COMMD8: variants seen among roughly 807,000 people sequenced by gnomAD.
COMMD8 encodes the protein COMM domain containing 8, also known as COMM domain-containing protein 8.
In COMMD8, 28 loss-of-function variants were observed where a neutral mutation model predicts 27.2. The observed-to-expected ratio is 1.03, with a 90% CI of 0.76 to 1.41. The LOEUF (loss-of-function observed/expected upper bound fraction) is 1.41. Among genes scored for constraint, COMMD8 ranks in the 40% most tolerant of loss-of-function variants. The pLI, the probability that COMMD8 is intolerant of heterozygous loss-of-function variation, is 0.00. For missense variants in COMMD8, 217 were observed against 211.2 expected (o/e 1.03, Z -0.17); for synonymous variants, 79 against 75.5 (o/e 1.05, Z -0.24).
chr4:47,463,572 G>A lies in COMMD8; in HGVS notation c.66+14C>T, dbSNP rs1242116548. 2 of 1,541,760 alleles carry A rather than the reference G, an allele frequency of 1.3e-6. No individual in the cohort carries two copies. Among genetic ancestry groups the A allele is most frequent in the South Asian group, 1.2e-5 (1 of 83,810 alleles). On this transcript the variant is annotated intron_variant, in intron 1 of 4. Transcript: ENST00000381571. ...CCCAGGCCCCGCGCCGCTTCCCCCGGTACCCGCCCTCACCTGCGGGCCCAG... is the reference window on the plus strand; with the variant it reads ...CCCAGGCCCCGCGCCGCTTCCCCCGATACCCGCCCTCACCTGCGGGCCCAG...
chr4:47,460,375 A>C, intron 1 of COMMD8, 76 bp from the exon 2 acceptor site: 4 of 1,183,922 alleles, frequency 3.4e-6, no homozygotes, highest in Middle Eastern at 2.0e-4. Flanking sequence ...TAACAAACAA[A>C]TGTTGGGAGA....
chr4:47,463,321 A>C (rs1730113185), intron 1 of COMMD8, among the ~76,000 whole-genome samples: 1 of 152,226 alleles, frequency 6.6e-6, no homozygotes, highest in African/African-American at 2.4e-5. Context: ...GCAAACACCG[A>C]CTTAAGCTTT....
Position 47,460,176 on chromosome 4 carries a change from CTT to C in COMMD8, c.188_189del (p.Lys63SerfsTer5), listed in dbSNP as rs1325101967. 6.2e-7 allele frequency: 1 copy of C among 1,613,472 alleles called. No homozygotes were observed. Among genetic ancestry groups the C allele is most frequent in the Non-Finnish European group, 8.5e-7 (1 of 1,179,750 alleles). ...HVLEDIAKFF[K>X]AIVGKNLPDE... ...TCAGGTAAGTTTTTACCAACTATGG[CTT>C]TGAAAAATTTGGCAATATCTTCTAA... is the stretch of plus-strand genomic sequence containing the variant. On this transcript the variant is annotated frameshift_variant, in exon 2 of 5. Transcript: ENST00000381571. LOFTEE classifies it high-confidence loss of function.
chr4:47,457,132 T>A (rs61480281), intron 2 of COMMD8, among the ~76,000 whole-genome samples: 1 of 152,160 alleles, frequency 6.6e-6, no homozygotes, highest in African/African-American at 2.4e-5. Flanking sequence ...AATGCAAACA[T>A]TGCAAAGTCA....
intron 3 of COMMD8, 68 bp from the exon 4 acceptor site, chr4:47,453,282 G>A (rs1428258528): frequency 1.5e-6 from 2 of 1,305,214 alleles, no homozygotes; most frequent in East Asian, 4.8e-5. Flanking sequence ...TACATCAGAG[G>A]TTAGTTAGCA....
chr4:47,459,390 A>C (rs1367547637), intron 2 of COMMD8, among the ~76,000 whole-genome samples: 2 of 152,248 alleles, frequency 1.3e-5, no homozygotes, highest in South Asian at 2.1e-4. Flanking sequence ...AGGATATCCT[A>C]TGACCATGCA....
rs1002034383 is a variant in COMMD8, at chr4:47,463,605, G to T, written c.47C>A (p.Pro16Gln). 1.3e-6 allele frequency: 2 copies of T among 1,546,916 alleles called. No individual in the cohort carries two copies. The highest frequency in any genetic ancestry group is 4.9e-5 in the East Asian group (2 of 40,836). The stretch of plus-strand genomic sequence containing the variant: ...CCTCACCTGCGGGCCCAGCTCGGCC[G>T]GCAGCTTCTGCAGCCGCCACAAGGG... Reference protein sequence around the residue: ...GTPLWRLQKLPAELGPQLLHK... With the variant: ...GTPLWRLQKLQAELGPQLLHK... The change falls in exon 1 of 5, where the codon CCG (proline) becomes CAG (glutamine). Residue 16 changes from proline to glutamine, a missense_variant. Physicochemically the swap from Pro to Gln is moderately conservative, Grantham distance 76. Transcript: ENST00000381571.
At chr4:47,458,563 T>G (rs1187875103) in intron 2 of COMMD8, among the ~76,000 whole-genome samples, 7 of 152,118 alleles carry the variant, frequency 4.6e-5, no homozygotes, top group African/African-American at 1.7e-4. Context: ...TAGAGGGCTA[T>G]CCCATGTTCT....
At chr4:47,460,970 G>A (rs1730010238) in intron 1 of COMMD8, among the ~76,000 whole-genome samples, 1 of 152,196 alleles carries the variant, frequency 6.6e-6, no homozygotes, top group Admixed American at 6.5e-5. Context: ...AAACTATCCA[G>A]TTCCAATCCC....
intron 2 of COMMD8, among the ~76,000 whole-genome samples, chr4:47,459,392 G>A (rs1729965313): frequency 6.6e-6 from 1 of 152,086 alleles, no homozygotes; most frequent in Non-Finnish European, 1.5e-5. Context: ...GATATCCTAT[G>A]ACCATGCAAT....
chr4:47,461,269 T>A (rs1282134458), intron 1 of COMMD8, among the ~76,000 whole-genome samples: 3 of 152,228 alleles, frequency 2.0e-5, no homozygotes, highest in Non-Finnish European at 2.9e-5. Flanking sequence ...AATAAGGTTA[T>A]CTTTCTTGAA....
chr4:47,463,507 G>A (rs1004328148), intron 1 of COMMD8, 79 bp downstream of exon 1: 8 of 1,388,290 alleles, frequency 5.8e-6, no homozygotes, highest in East Asian at 2.5e-5. Context: ...AGGCGTCCGG[G>A]TCGCACCCGG....
chr4:47,454,864 C>CAAAA (rs1187989270), intron 3 of COMMD8, among the ~76,000 whole-genome samples: 85 of 39,478 alleles, frequency 2.2e-3, no homozygotes, highest in Admixed American at 0.011. Context: ...AACTCCATCT[C>CAAAA]AAAAAAAAAA....
chr4:47,463,516 GGCC>G, intron 1 of COMMD8, 67 bp downstream of exon 1: 1 of 1,453,294 alleles, frequency 6.9e-7, no homozygotes, highest in South Asian at 1.2e-5. Flanking sequence ...GGTCGCACCC[GGCC>G]TGATCCGCAC....
chr4:47,458,123 T>C lies in COMMD8; in HGVS notation c.223-1394A>G, dbSNP rs538279592. Reference sequence around the variant, plus strand: ...AAGTTAGAATTGTAGGATGCTTCTTTAGTCTGATAATGGATATCTATAAAA... The same window carrying C: ...AAGTTAGAATTGTAGGATGCTTCTTCAGTCTGATAATGGATATCTATAAAA... On this transcript the variant is annotated intron_variant, in intron 2 of 4. Coordinates refer to ENST00000381571, the MANE Select transcript of COMMD8 (RefSeq NM_017845.5). Among the ~76,000 whole-genome samples, 5 of 152,166 alleles carry C rather than the reference T, an allele frequency of 3.3e-5. No individual in the cohort carries two copies. The South Asian group carries it at 1.0e-3, about 32-fold the overall frequency.
chr4:47,451,826 G>C (rs960368785), intron 4 of COMMD8, among the ~76,000 whole-genome samples, 161 bp from the exon 5 acceptor site: 2 of 152,158 alleles, frequency 1.3e-5, no homozygotes, highest in Non-Finnish European at 2.9e-5. Flanking sequence ...GGAATCTACG[G>C]TTCAGAATCT....
chr4:47,452,612 T>C (rs936362906), intron 4 of COMMD8, among the ~76,000 whole-genome samples: 2 of 152,176 alleles, frequency 1.3e-5, no homozygotes, highest in African/African-American at 4.8e-5. Context: ...CAGAACATAT[T>C]AACAAAGTAT....
intron 4 of COMMD8, 53 bp from the exon 5 acceptor site, chr4:47,451,718 T>TA (rs2109352292): frequency 7.4e-7 from 1 of 1,357,460 alleles, no homozygotes; most frequent in East Asian, 2.6e-5. Flanking sequence ...CTGATGCTGA[T>TA]ATATTCCATA....
chr4:47,452,674 A>C (rs1030061873), intron 4 of COMMD8, among the ~76,000 whole-genome samples: 1 of 152,226 alleles, frequency 6.6e-6, no homozygotes, highest in African/African-American at 2.4e-5. Context: ...CTAAAAGTGA[A>C]CTATGAGTCT....
Sources: gnomAD v4.1 joint callset for allele counts (sites outside exome capture counted in the v4.1 genomes callset) on GRCh38, gnomAD v4.1.1 for gene constraint, MANE v1.5 for transcripts, NCBI Gene and HGNC (gene_info 2026-07-23, HGNC 2026-07-21) for gene names.